Variants in MRPS28 observed in about 807,000 individuals in gnomAD.
MRPS28 encodes mitochondrial ribosomal protein S28, also known as small ribosomal subunit protein bS1m.
In MRPS28, 7 loss-of-function variants were observed where a neutral mutation model predicts 10.8. The ratio of observed to expected loss-of-function variants is 0.65; its 90% CI spans 0.37 to 1.22. MRPS28 has a LOEUF of 1.22. Ranked by LOEUF, MRPS28 falls within the 50% of genes most tolerant of loss-of-function variation. The pLI is 0.02. For synonymous variants in MRPS28, 121 were observed against 93.3 expected, an observed-to-expected ratio of 1.30 and a Z score of -1.71; for missense variants, 265 against 232.9, an observed-to-expected ratio of 1.14 and a Z score of -0.90.
At chr8:80,005,448 T>A (rs1808808785) in intron 1 of MRPS28, among the ~76,000 whole-genome samples, 1 of 151,762 alleles carries the variant, frequency 6.6e-6, no homozygotes, top group Non-Finnish European at 1.5e-5. Context: ...AGAGATTTTG[T>A]CACCACCAGG....
chr8:80,000,567 T>A (rs113605044), intron 2 of MRPS28, among the ~76,000 whole-genome samples: 134 of 152,308 alleles, frequency 8.8e-4, no homozygotes, highest in African/African-American at 2.8e-3. Flanking sequence ...ATAGAATGTG[T>A]GCATATGTGG....
intron 2 of MRPS28, among the ~76,000 whole-genome samples, chr8:79,975,940 T>A (rs1307531503): frequency 1.3e-5 from 2 of 152,230 alleles, no homozygotes; most frequent in African/African-American, 4.8e-5. Context: ...GAAGTTGTAG[T>A]AGTAAAATGC....
chr8:79,933,661 T>C (rs1015572247), intron 2 of MRPS28, among the ~76,000 whole-genome samples: 5 of 152,110 alleles, frequency 3.3e-5, no homozygotes, highest in Non-Finnish European at 1.5e-5. Flanking sequence ...ACAACCATGA[T>C]GAAATGAAAT....
chr8:79,944,021 A>G (rs980313042), intron 2 of MRPS28, among the ~76,000 whole-genome samples: 1 of 152,234 alleles, frequency 6.6e-6, no homozygotes. Flanking sequence ...ATTTCAACAG[A>G]TAACTGACCC....
intron 1 of MRPS28, among the ~76,000 whole-genome samples, chr8:80,017,936 A>C (rs1809240636): frequency 6.6e-6 from 1 of 152,220 alleles, no homozygotes; most frequent in African/African-American, 2.4e-5. Context: ...ATGTAGACAA[A>C]GCATTAATAA....
intron 2 of MRPS28, among the ~76,000 whole-genome samples, chr8:79,944,406 G>C (rs1254820918): frequency 4.6e-5 from 7 of 152,170 alleles, no homozygotes; most frequent in Non-Finnish European, 8.8e-5. Flanking sequence ...CAGGTTACGA[G>C]AACTACCTGT....
intron 2 of MRPS28, among the ~76,000 whole-genome samples, chr8:79,944,742 C>T (rs1294968415): frequency 9.2e-5 from 13 of 141,230 alleles, no homozygotes; most frequent in African/African-American, 2.9e-4. Flanking sequence ...GTCACATAGG[C>T]TGGAGTGCAG....
At chr8:79,969,578 C>T (rs1225993984) in intron 2 of MRPS28, among the ~76,000 whole-genome samples, 2 of 151,922 alleles carry the variant, frequency 1.3e-5, no homozygotes, top group African/African-American at 4.8e-5. Flanking sequence ...AAAGTCATAT[C>T]TGAAATGGAA....
chr8:79,970,982 A>T (rs2130038313), intron 2 of MRPS28, among the ~76,000 whole-genome samples: 1 of 152,306 alleles, frequency 6.6e-6, no homozygotes, highest in Non-Finnish European at 1.5e-5. Context: ...CTTTGGAAAA[A>T]TGCCGCCTTT....
chr8:79,971,685 C>T (rs1465655341), intron 2 of MRPS28, among the ~76,000 whole-genome samples: 4 of 152,170 alleles, frequency 2.6e-5, no homozygotes, highest in African/African-American at 9.7e-5. Context: ...TGTATCACGT[C>T]TTAGTACTTC....
intron 2 of MRPS28, among the ~76,000 whole-genome samples, chr8:79,952,087 A>C (rs925567980): frequency 6.6e-6 from 1 of 152,188 alleles, no homozygotes; most frequent in Non-Finnish European, 1.5e-5. Flanking sequence ...ACTTCGGAAA[A>C]GAATGCCCAT....
At chr8:79,951,201 C>A (rs1807070816) in intron 2 of MRPS28, among the ~76,000 whole-genome samples, 1 of 152,162 alleles carries the variant, frequency 6.6e-6, no homozygotes, top group South Asian at 2.1e-4. Context: ...TAGGACGGGA[C>A]AATGGCGCAT....
At chr8:79,938,595 C>A (rs1363483996) in intron 2 of MRPS28, among the ~76,000 whole-genome samples, 1 of 152,044 alleles carries the variant, frequency 6.6e-6, no homozygotes, top group African/African-American at 2.4e-5. Context: ...ACAACAACAA[C>A]AAAAAAGAAC....
At chr8:80,002,436 C>G (rs1212118646) in intron 2 of MRPS28, among the ~76,000 whole-genome samples, 1 of 152,126 alleles carries the variant, frequency 6.6e-6, no homozygotes, top group African/African-American at 2.4e-5. Flanking sequence ...TACTATTGTT[C>G]TATTGTTTTC....
At chr8:80,003,565 G>A (rs557429447) in intron 1 of MRPS28, among the ~76,000 whole-genome samples, 5 of 152,306 alleles carry the variant, frequency 3.3e-5, no homozygotes, top group South Asian at 2.1e-4. Flanking sequence ...AGCTCCCAGC[G>A]TGAGTGACCC....
chr8:79,948,427 C>G (rs1806985978), intron 2 of MRPS28, among the ~76,000 whole-genome samples: 1 of 152,176 alleles, frequency 6.6e-6, no homozygotes, highest in South Asian at 2.1e-4. Context: ...AAAGACTGTT[C>G]CACTTCTTCC....
intron 1 of MRPS28, among the ~76,000 whole-genome samples, chr8:80,020,484 T>G (rs551024601): frequency 6.6e-6 from 1 of 152,112 alleles, no homozygotes; most frequent in Admixed American, 6.5e-5. Flanking sequence ...AAATGGTAAG[T>G]ATGAAGAAAA....
At chr8:79,938,168 T>C (rs1311420562) in intron 2 of MRPS28, among the ~76,000 whole-genome samples, 1 of 151,530 alleles carries the variant, frequency 6.6e-6, no homozygotes, top group African/African-American at 2.4e-5. Context: ...TGAATAAACA[T>C]ACTTCGGGGA....
At chr8:80,022,745 A>T (rs1809400222) in intron 1 of MRPS28, among the ~76,000 whole-genome samples, 1 of 152,260 alleles carries the variant, frequency 6.6e-6, no homozygotes, top group East Asian at 1.9e-4. Context: ...AAGGGCCATA[A>T]TCAGGTTATA....
Sources: allele counts gnomAD v4.1 joint callset (sites outside exome capture counted in the v4.1 genomes callset), GRCh38; gene constraint gnomAD v4.1.1; transcripts MANE v1.5; gene names NCBI Gene and HGNC (gene_info 2026-07-23, HGNC 2026-07-21).